The following CCT3 variants were observed in gnomAD, a reference collection of about 807,000 sequenced individuals.
CCT3 encodes the protein chaperonin containing TCP1 subunit 3, also known as T-complex protein 1 subunit gamma.
Under a neutral mutation model 65.3 loss-of-function variants are expected in CCT3, and 10 were observed. The ratio of observed to expected loss-of-function variants is 0.15; its 90% CI spans 0.09 to 0.26. The LOEUF (loss-of-function observed/expected upper bound fraction) is 0.26, where lower values mean the gene tolerates loss of function less well. Among genes scored for constraint, CCT3 ranks in the 10% least tolerant of loss-of-function variants. The probability of loss-of-function intolerance (pLI) is 1.00; values close to 1 mark genes in which losing one functional copy is unlikely to be tolerated. For synonymous variants in CCT3, 225 were observed against 242.3 expected (o/e 0.93, Z 0.66); for missense variants, 626 against 708.7 (o/e 0.88, Z 1.33).
At chr1:156,337,597 T>C (rs1665471151) in intron 1 of CCT3, 1 of 165,252 alleles carries the variant, frequency 6.1e-6, no homozygotes, top group African/African-American at 2.4e-5. Flanking sequence ...AAGAGACTGT[T>C]ACTGAAAATA....
chr1:156,333,215 C>T, intron 5 of CCT3: 1 of 272,816 alleles, frequency 3.7e-6, no homozygotes, highest in South Asian at 3.3e-5. Context: ...ATCGCTTGAA[C>T]CTGGGAGGCA....
intron 6 of CCT3, among the ~76,000 whole-genome samples, chr1:156,323,666 C>T (rs1212970611): frequency 6.6e-6 from 1 of 151,980 alleles, no homozygotes; most frequent in African/African-American, 2.4e-5. Flanking sequence ...GGGGTTTCAC[C>T]ATGTTAGCCA....
At chr1:156,333,514 T>C in intron 5 of CCT3, 33 bp downstream of exon 5, 3 of 1,513,280 alleles carry the variant, frequency 2.0e-6, no homozygotes, top group Non-Finnish European at 2.8e-6. Flanking sequence ...TTACTTCTAA[T>C]TTTTCCTTAT....
chr1:156,312,771 T>A (rs766096167), intron 10 of CCT3, among the ~76,000 whole-genome samples: 1 of 152,230 alleles, frequency 6.6e-6, no homozygotes, highest in Non-Finnish European at 1.5e-5. Context: ...CTGTGCTTTT[T>A]GAGAAATATA....
At chr1:156,312,919 G>A (rs1011544279) in intron 10 of CCT3, among the ~76,000 whole-genome samples, 2 of 152,198 alleles carry the variant, frequency 1.3e-5, no homozygotes, top group Non-Finnish European at 2.9e-5. Context: ...TAAAGCTGGA[G>A]AATTTAATGC....
intron 10 of CCT3, among the ~76,000 whole-genome samples, chr1:156,314,028 A>G (rs1186511994): frequency 6.7e-6 from 1 of 149,362 alleles, no homozygotes; most frequent in African/African-American, 2.5e-5. Context: ...CGGAGGGTGC[A>G]GTGAGCCAAG....
intron 10 of CCT3, among the ~76,000 whole-genome samples, chr1:156,315,544 CTTTA>C (rs949374707): frequency 2.0e-5 from 3 of 152,124 alleles, no homozygotes; most frequent in Non-Finnish European, 2.9e-5. Context: ...CTCTAGCTTA[CTTTA>C]TTTAAGGGAA....
At chr1:156,329,321 T>TA (rs1665004272) in intron 5 of CCT3, among the ~76,000 whole-genome samples, 1 of 150,658 alleles carries the variant, frequency 6.6e-6, no homozygotes, top group Non-Finnish European at 1.5e-5. Flanking sequence ...TTTTTTTTTT[T>TA]TTTGAGACGG....
intron 6 of CCT3, among the ~76,000 whole-genome samples, chr1:156,324,001 G>C (rs565677226): frequency 1.3e-5 from 2 of 150,292 alleles, no homozygotes; most frequent in Admixed American, 6.7e-5. Flanking sequence ...GACCTCAGGT[G>C]ATCCACCCGC....
chr1:156,312,879 T>C (rs567621786), intron 10 of CCT3, among the ~76,000 whole-genome samples: 1 of 152,360 alleles, frequency 6.6e-6, no homozygotes, highest in East Asian at 1.9e-4. Flanking sequence ...ATCATTATGA[T>C]ACCTCATCAG....
chr1:156,316,837 T>C (rs1664332501), intron 10 of CCT3, among the ~76,000 whole-genome samples: 1 of 152,212 alleles, frequency 6.6e-6, no homozygotes, highest in African/African-American at 2.4e-5. Flanking sequence ...ACTCTGGAAA[T>C]GTTCATTCAA....
intron 10 of CCT3, among the ~76,000 whole-genome samples, chr1:156,316,146 A>G (rs1282268168): frequency 6.6e-6 from 1 of 152,124 alleles, no homozygotes; most frequent in African/African-American, 2.4e-5. Context: ...ATACAACGGC[A>G]AAAAATAATA....
intron 6 of CCT3, 117 bp from the exon 7 acceptor site, chr1:156,321,142 G>T (rs567339916): frequency 1.2e-6 from 1 of 813,230 alleles, no homozygotes; most frequent in East Asian, 2.6e-5. Context: ...AAGGGGATTT[G>T]TTCCTTTGGA....
intron 5 of CCT3, among the ~76,000 whole-genome samples, chr1:156,326,646 T>C (rs1264980164): frequency 2.5e-5 from 2 of 80,480 alleles, no homozygotes; most frequent in African/African-American, 4.9e-5. Flanking sequence ...TGAGACTCCA[T>C]CTCAAAAAAA....
intron 5 of CCT3, 66 bp from the exon 6 acceptor site, chr1:156,325,155 T>C: frequency 2.6e-6 from 3 of 1,154,138 alleles, no homozygotes; most frequent in South Asian, 1.2e-5. Context: ...GTAACTTAAT[T>C]ATTCTTCCAA....
chr1:156,332,431 A>G (rs1665142301), intron 5 of CCT3, among the ~76,000 whole-genome samples: 1 of 152,240 alleles, frequency 6.6e-6, no homozygotes, highest in South Asian at 2.1e-4. Context: ...TCCTATAGGA[A>G]GTAGAAAGAT....
At position 156,334,780 on chromosome 1, in the gene CCT3, G is replaced by A. The variant is rs371968644; in HGVS notation, c.145-5C>T. ...TCCCATTGGGTCCAAAAGCATCTAA[G>A]ATGAAAGCAAAAGTTATATTTAAAG... On this transcript the variant is annotated splice_polypyrimidine_tract_variant and splice_region_variant and intron_variant, in intron 3 of 13. Transcript: ENST00000295688. 7.4e-6 allele frequency: 12 copies of A among 1,613,938 alleles called. No individual in the cohort carries two copies. The highest frequency in any genetic ancestry group is 1.6e-4 in the Middle Eastern group (1 of 6,084).
intron 10 of CCT3, 145 bp downstream of exon 10, chr1:156,317,021 T>C (rs1193275386): frequency 5.8e-6 from 4 of 684,264 alleles, no homozygotes; most frequent in Non-Finnish European, 1.0e-5. Context: ...AGAGGACTTC[T>C]GAAGAGGGCA....
chr1:156,310,037 CAAAAAAAAAAAAAAAA>C (rs71080758), intron 13 of CCT3, among the ~76,000 whole-genome samples: 2 of 76,494 alleles, frequency 2.6e-5, no homozygotes, highest in South Asian at 5.2e-4. Flanking sequence ...TAGTCTGTTT[CAAAAAAAAAAAAAAAA>C]AAAAAAAAAA....
Sources: gnomAD v4.1 joint callset for allele counts (sites outside exome capture counted in the v4.1 genomes callset) on GRCh38, gnomAD v4.1.1 for gene constraint, MANE v1.5 for transcripts, NCBI Gene and HGNC (gene_info 2026-07-23, HGNC 2026-07-21) for gene names.